Variants in PCM1 observed in about 807,000 individuals in gnomAD.
The protein encoded by PCM1 is pericentriolar material 1, also known as pericentriolar material 1 protein.
Under a neutral mutation model 241.9 loss-of-function variants are expected in PCM1, and 157 were observed. The observed-to-expected ratio is 0.65, with a 90% CI of 0.57 to 0.74. The LOEUF (loss-of-function observed/expected upper bound fraction) is 0.74, where lower values mean the gene tolerates loss of function less well. Among genes scored for constraint, PCM1 ranks in the 30% least tolerant of loss-of-function variants. PCM1 has a pLI of 0.00. For synonymous variants in PCM1, 1,085 were observed against 784.9 expected, an observed-to-expected ratio of 1.38 and a Z score of -6.39; for missense variants, 3,478 against 2,360.1, an observed-to-expected ratio of 1.47 and a Z score of -9.81.
intron 18 of PCM1, among the ~76,000 whole-genome samples, chr8:17,965,310 A>G (rs1488006707): frequency 1.3e-5 from 2 of 152,212 alleles, no homozygotes; most frequent in African/African-American, 4.8e-5. Flanking sequence ...AATTGATAAA[A>G]TTGTTGACTG....
intron 23 of PCM1, among the ~76,000 whole-genome samples, chr8:17,979,868 G>T (rs926441843): frequency 6.6e-6 from 1 of 152,144 alleles, no homozygotes; most frequent in Admixed American, 6.5e-5. Context: ...AGTGGGACTT[G>T]CCTTAGCAGA....
intron 23 of PCM1, among the ~76,000 whole-genome samples, chr8:17,975,464 A>G (rs2078420658): frequency 6.6e-6 from 1 of 152,072 alleles, no homozygotes; most frequent in Admixed American, 6.6e-5. Context: ...CGCCCGACCA[A>G]TTTTTATTAT....
intron 8 of PCM1, among the ~76,000 whole-genome samples, chr8:17,951,824 G>T (rs991064244): frequency 2.6e-5 from 4 of 152,054 alleles, no homozygotes; most frequent in African/African-American, 9.7e-5. Context: ...AATAATTGAT[G>T]CAAATATGGG....
In PCM1 at chr8:18,028,798, C is replaced by T; in HGVS notation, c.*1136C>T. ...GAATTAGTTCCAATAAGTATTTTAA[C>T]TTTGTTAACAACTGAAATACCCCAT... On this transcript the variant is annotated 3_prime_UTR_variant, in exon 39 of 39. Transcript: ENST00000325083. 1 of 189,656 alleles carries T rather than the reference C, an allele frequency of 5.3e-6. No homozygotes were observed. The highest frequency in any genetic ancestry group is 1.9e-4 in the South Asian group (1 of 5,142). 11.7% of individuals were successfully genotyped at this position (189,656 alleles called of 1,614,324 possible). A position where few individuals can be genotyped will look rare whatever the true frequency, so the allele number is the denominator to read the frequency against.
rs77504653 is a variant in PCM1 at position 18,015,420 on chromosome 8, T to G, written c.5841+580T>G. On this transcript the variant is annotated intron_variant, in intron 36 of 38. Coordinates refer to ENST00000325083, the MANE Select transcript of PCM1 (RefSeq NM_006197.4). The stretch of plus-strand genomic sequence containing the variant: ...AATGAAACTTCACTTGGGTCATTTC[T>G]GATAAATGCTTCTGTTAGAACCAAA... Among the ~76,000 whole-genome samples, 438 of 152,330 alleles carry G rather than the reference T, an allele frequency of 2.9e-3. 1 individual carries two copies. The highest frequency in any genetic ancestry group is 0.01 in the African/African-American group (419 of 41,586).
intron 29 of PCM1, 35 bp from the exon 30 acceptor site, chr8:18,006,228 A>T: frequency 2.0e-6 from 3 of 1,509,452 alleles, no homozygotes; most frequent in Non-Finnish European, 2.7e-6. Context: ...AACAATAGGT[A>T]AGTTTATATT....
chr8:17,923,600 T>C (rs1051910493), intron 1 of PCM1, among the ~76,000 whole-genome samples: 31 of 151,626 alleles, frequency 2.0e-4, no homozygotes, highest in African/African-American at 7.3e-4. Flanking sequence ...TTGGTGGCCA[T>C]AGTTCTTCCC....
Position 17,975,626 on chromosome 8 carries a change from T to TA in PCM1, c.3943+2940dup, listed in dbSNP as rs2078494226. Among the ~76,000 whole-genome samples, 4 of 152,150 alleles carry TA rather than the reference T, an allele frequency of 2.6e-5. No individual in the cohort carries two copies. In the South Asian group the frequency reaches 8.3e-4, roughly 32 times the overall value. ...ACAGATATTTCAGCATAGTGGGAAT[T>TA]ACACTGCTGTCTTGAGAGATATGGT... On this transcript the variant is annotated intron_variant, in intron 23 of 38. Transcript: ENST00000325083.
At chr8:17,925,844 A>G (rs571105860) in intron 2 of PCM1, 6 of 152,356 alleles carry the variant, frequency 3.9e-5, no homozygotes, top group East Asian at 1.9e-4. Flanking sequence ...CTCAAAAAAA[A>G]AGAAACTTTT....
chr8:17,928,172 T>C (rs970585737), intron 2 of PCM1, among the ~76,000 whole-genome samples: 3 of 152,214 alleles, frequency 2.0e-5, no homozygotes, highest in African/African-American at 7.2e-5. Context: ...TTAACTTGCA[T>C]GGCAAAATTT....
Position 17,957,192 on chromosome 8 carries a change from A to G in PCM1, c.1647-72A>G. The G allele has an allele frequency of 5.9e-6, 7 of 1,182,078 alleles. No individual in the cohort carries two copies. The South Asian group carries it at 1.1e-4, about 19-fold the overall frequency. The allele number at this position is 1,182,078 out of a possible 1,614,324, so 73.2% of individuals were successfully genotyped here. A position where few individuals can be genotyped will look rare whatever the true frequency, so the allele number is the denominator to read the frequency against. ...CTTGGTTTGGTGTTATTTTATTAGC[A>G]GTTCTAAACTTGGATTTCTTTCTCT... On this transcript the variant is annotated intron_variant, in intron 11 of 38. Transcript: ENST00000325083.
intron 29 of PCM1, among the ~76,000 whole-genome samples, chr8:18,004,589 G>C (rs568000801): frequency 6.6e-4 from 100 of 152,236 alleles, no homozygotes; most frequent in African/African-American, 2.1e-3. Context: ...CTAATAATCT[G>C]ATTTTAATTA....
chr8:17,990,024 C>G, intron 27 of PCM1, 45 bp downstream of exon 27: 3 of 1,436,378 alleles, frequency 2.1e-6, no homozygotes, highest in Non-Finnish European at 2.8e-6. Flanking sequence ...TTAAGTTGAT[C>G]TGGTCCAGTC....
Position 18,014,741 on chromosome 8 carries a change from A to T in PCM1, c.5742A>T (p.Leu1914Phe). The T allele has an allele frequency of 6.2e-7, 1 of 1,612,878 alleles. No homozygotes were observed. The highest frequency in any genetic ancestry group is 8.5e-7 in the Non-Finnish European group (1 of 1,179,814). ...LPLRLPEMEP[L>F]VPRVKEVKSA... ...TACGTTTACCTGAAATGGAACCCTT[A>T]GTGCCTAGAGTCAAAGAAGTTAAAT... The change falls in exon 36 of 39, where the codon TTA (leucine) becomes TTT (phenylalanine). Residue 1914 changes from leucine to phenylalanine, a missense_variant. Coordinates refer to ENST00000325083, the MANE Select transcript of PCM1 (RefSeq NM_006197.4).
At chr8:17,968,061 A>G (rs2129470190) in intron 21 of PCM1, among the ~76,000 whole-genome samples, 1 of 152,194 alleles carries the variant, frequency 6.6e-6, no homozygotes, top group South Asian at 2.1e-4. Context: ...CCGCCAAAAA[A>G]AAAAAAAAGA....
intron 29 of PCM1, among the ~76,000 whole-genome samples, chr8:18,005,580 T>G (rs528213297): frequency 2.0e-5 from 3 of 152,168 alleles, no homozygotes; most frequent in Non-Finnish European, 4.4e-5. Flanking sequence ...ATTTATGGAC[T>G]CAACCTCAGA....
intron 15 of PCM1, among the ~76,000 whole-genome samples, chr8:17,961,525 A>G (rs1203361996): frequency 6.6e-6 from 1 of 151,752 alleles, no homozygotes; most frequent in African/African-American, 2.4e-5. Context: ...GTTAGCCAAG[A>G]TGGTCTCAGT....
At chr8:17,987,342 C>T (rs1411714024) in intron 26 of PCM1, among the ~76,000 whole-genome samples, 2 of 151,726 alleles carry the variant, frequency 1.3e-5, no homozygotes, top group Non-Finnish European at 3.0e-5. Flanking sequence ...GTCTCCATTC[C>T]TAGACGTATT....
chr8:18,006,454 T>C (rs2091340718), intron 30 of PCM1, 57 bp downstream of exon 30: 2 of 1,256,542 alleles, frequency 1.6e-6, no homozygotes, highest in Non-Finnish European at 2.3e-6. Flanking sequence ...AGGTTTTTTT[T>C]CGGGGGGTGG....
Sources: allele counts gnomAD v4.1 joint callset (sites outside exome capture counted in the v4.1 genomes callset), GRCh38; gene constraint gnomAD v4.1.1; transcripts MANE v1.5; gene names NCBI Gene and HGNC (gene_info 2026-07-23, HGNC 2026-07-21).